WWOX: variants seen among roughly 807,000 people sequenced by gnomAD.
The protein encoded by WWOX is WW domain containing oxidoreductase.
WWOX carries 69 observed loss-of-function variants against 46.2 expected under a neutral mutation model. That is an observed-to-expected ratio of 1.49 (90% confidence interval 1.23 to 1.82). The LOEUF is 1.82. Among genes scored for constraint, WWOX ranks in the 40% most tolerant of loss-of-function variants. The pLI is 0.00. For synonymous variants in WWOX, 359 were observed against 202.6 expected (o/e 1.77, Z -6.56); for missense variants, 919 against 542.6 (o/e 1.69, Z -6.89).
intron 8 of WWOX, among the ~76,000 whole-genome samples, chr16:78,701,846 C>T (rs1007911810): frequency 5.3e-5 from 8 of 151,092 alleles, no homozygotes; most frequent in South Asian, 4.2e-4. Flanking sequence ...CAGCTCTCAG[C>T]GTAAAGCAGT....
intron 8 of WWOX, among the ~76,000 whole-genome samples, chr16:78,628,045 A>G (rs2046348944): frequency 6.6e-6 from 1 of 152,236 alleles, no homozygotes; most frequent in Admixed American, 6.5e-5. Context: ...AACCCAAGGA[A>G]AGATACAGGG....
At chr16:78,582,870 C>A (rs577089771) in intron 8 of WWOX, among the ~76,000 whole-genome samples, 2 of 152,090 alleles carry the variant, frequency 1.3e-5, no homozygotes, top group Non-Finnish European at 2.9e-5. Flanking sequence ...AGTGATGTAC[C>A]GGGAACCTCC....
intron 5 of WWOX, among the ~76,000 whole-genome samples, chr16:78,327,714 TATAG>T (rs1367345783): frequency 2.0e-5 from 3 of 152,086 alleles, no homozygotes; most frequent in South Asian, 2.1e-4. Flanking sequence ...ATAGCAAGCA[TATAG>T]ATAGTCTTCT....
chr16:79,085,002 C>T (rs1389241875), intron 8 of WWOX, among the ~76,000 whole-genome samples: 1 of 150,536 alleles, frequency 6.6e-6, no homozygotes. Context: ...TATAGCTCAC[C>T]ACAGCCTTGA....
chr16:79,039,421 C>T (rs150175627), intron 8 of WWOX, among the ~76,000 whole-genome samples: 18 of 152,280 alleles, frequency 1.2e-4, no homozygotes, highest in African/African-American at 4.1e-4. Context: ...ACAGCCAAGC[C>T]CTGGAACAGG....
intron 8 of WWOX, among the ~76,000 whole-genome samples, chr16:79,208,173 TCTC>T (rs893125648): frequency 6.6e-6 from 1 of 152,158 alleles, no homozygotes; most frequent in African/African-American, 2.4e-5. Flanking sequence ...ATTGCACAGT[TCTC>T]CTCTGGCAGC....
chr16:79,174,349 C>G (rs1004698360), intron 8 of WWOX, among the ~76,000 whole-genome samples: 5 of 152,158 alleles, frequency 3.3e-5, no homozygotes, highest in African/African-American at 1.2e-4. Context: ...GCAAATCCTT[C>G]AAGATTAAGA....
intron 4 of WWOX, among the ~76,000 whole-genome samples, chr16:78,162,538 A>T (rs1440709685): frequency 6.6e-6 from 1 of 152,118 alleles, no homozygotes; most frequent in Non-Finnish European, 1.5e-5. Flanking sequence ...ACACACACAC[A>T]CATACATGTA....
chr16:78,473,543 C>A (rs534066672), intron 8 of WWOX, among the ~76,000 whole-genome samples: 1 of 144,910 alleles, frequency 6.9e-6, no homozygotes, highest in Admixed American at 6.7e-5. Context: ...TTTGCCAACA[C>A]CCAGGTGAGC....
At chr16:78,124,519 A>T (rs1282700236) in intron 4 of WWOX, among the ~76,000 whole-genome samples, 1 of 152,160 alleles carries the variant, frequency 6.6e-6, no homozygotes, top group Non-Finnish European at 1.5e-5. Flanking sequence ...CCTTCTTGGA[A>T]AGATGTCTTA....
intron 4 of WWOX, among the ~76,000 whole-genome samples, chr16:78,144,528 T>A: frequency 8.9e-6 from 1 of 112,144 alleles, no homozygotes; most frequent in East Asian, 2.6e-4. Context: ...TATATATTTT[T>A]TTTTTTTTTT....
At chr16:78,747,072 G>T (rs763981260) in intron 8 of WWOX, among the ~76,000 whole-genome samples, 7 of 151,894 alleles carry the variant, frequency 4.6e-5, no homozygotes, top group Non-Finnish European at 8.8e-5. Flanking sequence ...CCAATATCCT[G>T]CAACCACTCT....
chr16:78,735,182 C>A (rs1353586581), intron 8 of WWOX, among the ~76,000 whole-genome samples: 3 of 151,958 alleles, frequency 2.0e-5, no homozygotes, highest in Non-Finnish European at 4.4e-5. Context: ...TCAGTCTTTT[C>A]CTGCCTTCAG....
chr16:78,406,321 TATATATATATATATATATATATATATATA>T (rs1422544591), intron 6 of WWOX, among the ~76,000 whole-genome samples: 13 of 80,832 alleles, frequency 1.6e-4, no homozygotes, highest in African/African-American at 1.4e-3. Flanking sequence ...TATATATATA[TATATATATATATATATATATATATATATA>T]TATATTTTAT....
At chr16:78,815,764 C>G (rs1314919877) in intron 8 of WWOX, among the ~76,000 whole-genome samples, 3 of 152,198 alleles carry the variant, frequency 2.0e-5, no homozygotes, top group Non-Finnish European at 1.5e-5. Context: ...AGGCCAAGGA[C>G]AGTTGTACGC....
At chr16:78,416,078 A>G (rs976229519) in intron 6 of WWOX, among the ~76,000 whole-genome samples, 2 of 151,864 alleles carry the variant, frequency 1.3e-5, no homozygotes, top group Non-Finnish European at 2.9e-5. Context: ...GCCCTTAATC[A>G]CCTCTCACAG....
rs115538058 is a variant in WWOX at position 78,377,532 on chromosome 16, T to G, written c.517-9328T>G. On this transcript the variant is annotated intron_variant, in intron 5 of 8. Coordinates refer to ENST00000566780, the MANE Select transcript of WWOX (RefSeq NM_016373.4). ...CATCACTTACATTAGAATGAAAAAT[T>G]CACTATGAAAAAAAGCTCTTACTTC... Among the ~76,000 whole-genome samples, 1,281 of 152,236 alleles carry G rather than the reference T, an allele frequency of 8.4e-3. 11 individuals carry two copies. Among genetic ancestry groups the G allele is most frequent in the African/African-American group, 0.029 (1,198 of 41,536 alleles).
intron 8 of WWOX, among the ~76,000 whole-genome samples, chr16:78,692,321 T>G (rs2048007883): frequency 6.6e-6 from 1 of 152,234 alleles, no homozygotes; most frequent in East Asian, 1.9e-4. Context: ...TTGAAAGGTT[T>G]TCTGAAAGGA....
intron 8 of WWOX, among the ~76,000 whole-genome samples, chr16:79,137,972 C>G (rs2050015623): frequency 6.6e-6 from 1 of 152,056 alleles, no homozygotes; most frequent in Non-Finnish European, 1.5e-5. Flanking sequence ...AAAAATAATT[C>G]TAGATGAAGA....
Sources: allele counts gnomAD v4.1 joint callset (sites outside exome capture counted in the v4.1 genomes callset), GRCh38; gene constraint gnomAD v4.1.1; transcripts MANE v1.5; gene names NCBI Gene and HGNC (gene_info 2026-07-23, HGNC 2026-07-21).